The following SMS variants were observed in gnomAD, a reference collection of about 807,000 sequenced individuals.
SMS encodes spermidine aminopropyltransferase.
Under a neutral mutation model 33.0 loss-of-function variants are expected in SMS, and 3 were observed. The ratio of observed to expected loss-of-function variants is 0.09; its 90% CI spans 0.04 to 0.23. SMS has a LOEUF of 0.23. Among genes scored for constraint, SMS ranks in the 10% least tolerant of loss-of-function variants. The pLI, the probability that SMS is intolerant of heterozygous loss-of-function variation, is 1.00. For synonymous variants in SMS, 103 were observed against 112.2 expected (o/e 0.92, Z 0.52); for missense variants, 117 against 288.6 (o/e 0.41, Z 4.31).
intron 1 of SMS, among the ~76,000 whole-genome samples, chrX:21,966,226 C>T (rs984484316): frequency 3.6e-5 from 4 of 112,285 alleles, no homozygotes; most frequent in African/African-American, 1.3e-4. Flanking sequence ...TACCTCTGTT[C>T]AGGTCACAGA....
chrX:21,983,229 G>A (rs1381080217), intron 7 of SMS, among the ~76,000 whole-genome samples: 1 of 109,451 alleles, frequency 9.1e-6, no homozygotes, highest in Non-Finnish European at 1.9e-5. Flanking sequence ...TTCTAGAGAC[G>A]GGCTTTCACC....
chrX:21,961,098 C>G (rs746350243), intron 1 of SMS, among the ~76,000 whole-genome samples: 1 of 92,979 alleles, frequency 1.1e-5, no homozygotes. Flanking sequence ...GACTCCCTGG[C>G]CTAGTAAGGT....
chrX:21,957,853 C>T (rs1384333551), intron 1 of SMS, among the ~76,000 whole-genome samples: 2 of 111,903 alleles, frequency 1.8e-5, no homozygotes, highest in Non-Finnish European at 3.8e-5. Flanking sequence ...TTTGCATTTT[C>T]CTGACAACTA....
chrX:21,949,155 G>T (rs987676163), intron 1 of SMS, among the ~76,000 whole-genome samples: 1 of 111,615 alleles, frequency 9.0e-6, no homozygotes, highest in Admixed American at 9.5e-5. Flanking sequence ...AAAAGGAGCT[G>T]GTAAGAGCCA....
At chrX:21,984,117 G>C (rs1204877148) in intron 7 of SMS, among the ~76,000 whole-genome samples, 187 bp from the exon 8 acceptor site, 1 of 111,796 alleles carries the variant, frequency 8.9e-6, no homozygotes, top group African/African-American at 3.2e-5. Flanking sequence ...AAGCATATAT[G>C]GTAAGCACTT....
rs45451996 is a variant in SMS at position 21,972,095 on chromosome X, A to G, written c.264+105A>G. 0.035 allele frequency: 20,612 copies of G among 597,260 alleles called. 321 individuals are homozygous for G. Among genetic ancestry groups the G allele is most frequent in the Non-Finnish European group, 0.046 (16,302 of 355,539 alleles). The allele number at this position is 597,260 out of a possible 1,213,427, so 49.2% of individuals were successfully genotyped here. A position where few individuals can be genotyped will look rare whatever the true frequency, so the allele number is the denominator to read the frequency against. On this transcript the variant is annotated intron_variant, in intron 3 of 10. Coordinates refer to ENST00000404933, the MANE Select transcript of SMS (RefSeq NM_004595.5). Reference sequence around the variant, plus strand: ...CATTGCTTACTTTCCAGTTAATTTTAAACTTTCCTCCCTCCACATAAGTGA... The same window carrying G: ...CATTGCTTACTTTCCAGTTAATTTTGAACTTTCCTCCCTCCACATAAGTGA...
chrX:21,992,569 C>A, intron 9 of SMS, 28 bp from the exon 10 acceptor site: 1 of 975,731 alleles, frequency 1.0e-6, no homozygotes, highest in Non-Finnish European at 1.5e-6. Flanking sequence ...ACTCAAGAAT[C>A]CCATTTGCTT....
intron 1 of SMS, among the ~76,000 whole-genome samples, chrX:21,945,634 T>TCC (rs376720187): frequency 0.16 from 5,281 of 33,892 alleles, 287 homozygotes; most frequent in Non-Finnish European, 0.21. Flanking sequence ...TTGCTTCCCG[T>TCC]CCCCCCCCCC....
chrX:21,985,325 G>A (rs1406910847), intron 9 of SMS, 102 bp downstream of exon 9: 18 of 511,897 alleles, frequency 3.5e-5, no homozygotes, highest in East Asian at 1.6e-4. Context: ...AGGATAGAGC[G>A]GCATCATCGG....
At chrX:21,971,116 A>C (rs187267471) in intron 2 of SMS, among the ~76,000 whole-genome samples, 1 of 109,144 alleles carries the variant, frequency 9.2e-6, no homozygotes, top group African/African-American at 3.4e-5. Flanking sequence ...GAATCGCTTG[A>C]ACCCAGGAGG....
chrX:21,990,814 A>G (rs1925708716), intron 9 of SMS, among the ~76,000 whole-genome samples: 4 of 112,800 alleles, frequency 3.5e-5, no homozygotes, highest in Middle Eastern at 4.6e-3. Context: ...ACAACTGGGC[A>G]GTTTTCTATT....
At chrX:21,984,447 A>G (rs369967234) in intron 8 of SMS, 29 bp downstream of exon 8, 331 of 885,923 alleles carry the variant, frequency 3.7e-4, no homozygotes, top group Non-Finnish European at 4.8e-4. Context: ...GATATTTATG[A>G]TGGAAATGTT....
chrX:21,978,479 A>G (rs1333428495), intron 6 of SMS, among the ~76,000 whole-genome samples: 4 of 111,600 alleles, frequency 3.6e-5, no homozygotes, highest in African/African-American at 9.8e-5. Context: ...GGAGGCTGAG[A>G]CAGGAGAATT....
At chrX:21,985,324 C>T (rs1262697710) in intron 9 of SMS, 101 bp downstream of exon 9, 2 of 511,570 alleles carry the variant, frequency 3.9e-6, no homozygotes, top group African/African-American at 2.3e-5. Flanking sequence ...AAGGATAGAG[C>T]GGCATCATCG....
intron 2 of SMS, among the ~76,000 whole-genome samples, chrX:21,968,055 C>T (rs1923868910): frequency 8.9e-6 from 1 of 112,254 alleles, no homozygotes; most frequent in Non-Finnish European, 1.9e-5. Flanking sequence ...TAGTTTGCAG[C>T]AGAGGCCCGT....
At chrX:21,941,542 G>A (rs566398178) in intron 1 of SMS, among the ~76,000 whole-genome samples, 1 of 110,510 alleles carries the variant, frequency 9.0e-6, no homozygotes, top group African/African-American at 3.3e-5. Flanking sequence ...GGGGTGGGGA[G>A]GCATGAGGTC....
At chrX:21,988,280 C>T (rs1385705968) in intron 9 of SMS, among the ~76,000 whole-genome samples, 3 of 108,294 alleles carry the variant, frequency 2.8e-5, no homozygotes, top group African/African-American at 3.3e-5. Flanking sequence ...TGCCACAGTG[C>T]AGTTTTTTTT....
chrX:21,993,382 A>G (rs1184633841), intron 10 of SMS, among the ~76,000 whole-genome samples: 9 of 112,880 alleles, frequency 8.0e-5, no homozygotes, highest in Non-Finnish European at 1.5e-4. Flanking sequence ...TAAAACACAG[A>G]AAGAAAAAAG....
At chrX:21,980,429 A>AAATATATATATAT (rs1260210326) in intron 7 of SMS, among the ~76,000 whole-genome samples, 8 of 63,047 alleles carry the variant, frequency 1.3e-4, no homozygotes, top group East Asian at 1.3e-3. Flanking sequence ...AAAAAAAAAA[A>AAATATATATATAT]ATATATATAT....
Sources: gnomAD v4.1 joint callset for allele counts (sites outside exome capture counted in the v4.1 genomes callset) on GRCh38, gnomAD v4.1.1 for gene constraint, MANE v1.5 for transcripts, NCBI Gene and HGNC (gene_info 2026-07-23, HGNC 2026-07-21) for gene names.